The following VPS54 variants were observed in gnomAD, a reference collection of about 807,000 sequenced individuals.
The protein encoded by VPS54 is VPS54 subunit of GARP complex.
In VPS54, 45 loss-of-function variants were observed where a neutral mutation model predicts 121.5. The ratio of observed to expected loss-of-function variants is 0.37; its 90% CI spans 0.29 to 0.47. The LOEUF is 0.47. Ranked by LOEUF, VPS54 falls within the 20% of genes least tolerant of loss-of-function variation. The pLI is 0.99. For missense variants in VPS54, 1,090 were observed against 1,131.4 expected (o/e 0.96, Z 0.52); for synonymous variants, 371 against 385.8 (o/e 0.96, Z 0.45).
chr2:63,927,674 C>T (rs543982275), intron 12 of VPS54, among the ~76,000 whole-genome samples: 5 of 152,216 alleles, frequency 3.3e-5, no homozygotes, highest in African/African-American at 4.8e-5. Flanking sequence ...GACGAGCTGA[C>T]GGAAGTAGGC....
intron 1 of VPS54, among the ~76,000 whole-genome samples, chr2:63,993,641 G>A (rs534748657): frequency 2.1e-4 from 32 of 152,270 alleles, no homozygotes; most frequent in Admixed American, 9.8e-4. Context: ...AAATCGGCTC[G>A]AAGTTCAAGT....
In VPS54 at chr2:63,969,047, G is replaced by A. The variant is rs552623364; in HGVS notation, c.458-56C>T. The stretch of plus-strand genomic sequence containing the variant: ...TAAAACTTGTTTTCATTTTAACTCC[G>A]TAAAATACATTTTGACAGATTCAGT... On this transcript the variant is annotated intron_variant, in intron 4 of 22. Transcript: ENST00000272322. 116 of 1,391,324 alleles carry A rather than the reference G, an allele frequency of 8.3e-5. 1 individual carries two copies. Among genetic ancestry groups the A allele is most frequent in the Non-Finnish European group, 1.1e-4 (109 of 995,950 alleles). 86.2% of individuals were successfully genotyped at this position (1,391,324 alleles called of 1,614,324 possible). A position where few individuals can be genotyped will look rare whatever the true frequency, so the allele number is the denominator to read the frequency against.
chr2:63,992,855 T>A lies in VPS54; in HGVS notation c.-20-8836A>T, dbSNP rs186401218. Among the ~76,000 whole-genome samples, 23 of 152,300 alleles carry A rather than the reference T, an allele frequency of 1.5e-4. No individual in the cohort carries two copies. The East Asian group carries it at 1.9e-3, about 13-fold the overall frequency. On this transcript the variant is annotated intron_variant, in intron 1 of 22. Coordinates refer to ENST00000272322, the MANE Select transcript of VPS54 (RefSeq NM_016516.3). ...TTTACATAAATCAGATTGTGAAAAATTTGCTTTTATTGTACCATCTATCAA... is the reference window on the plus strand; with the variant it reads ...TTTACATAAATCAGATTGTGAAAAAATTGCTTTTATTGTACCATCTATCAA...
intron 1 of VPS54, among the ~76,000 whole-genome samples, chr2:64,010,070 G>A (rs1008207179): frequency 2.0e-5 from 3 of 151,950 alleles, no homozygotes; most frequent in Non-Finnish European, 4.4e-5. Flanking sequence ...TCAAACTCCC[G>A]ACCTCAGGTG....
intron 11 of VPS54, among the ~76,000 whole-genome samples, chr2:63,938,693 G>C (rs1264540866): frequency 2.0e-5 from 3 of 152,184 alleles, no homozygotes; most frequent in African/African-American, 7.2e-5. Context: ...TCAAATTCCT[G>C]ACCTCAGGTG....
At chr2:63,959,356 G>A (rs750180794) in intron 7 of VPS54, among the ~76,000 whole-genome samples, 13 of 152,118 alleles carry the variant, frequency 8.5e-5, no homozygotes, top group Non-Finnish European at 1.8e-4. Flanking sequence ...TTCTTTTAGA[G>A]TACTTTTGTT....
In VPS54 at chr2:63,933,860, T is replaced by G; in HGVS notation, c.1552A>C (p.Ile518Leu). 6.2e-7 allele frequency: 1 copy of G among 1,613,916 alleles called. No individual in the cohort carries two copies. Among genetic ancestry groups the G allele is most frequent in the Non-Finnish European group, 8.5e-7 (1 of 1,179,880 alleles). The change falls in exon 12 of 23, where the codon ATA (isoleucine) becomes CTA (leucine). Residue 518 changes from isoleucine (I) to leucine (L), a missense_variant. Physicochemically the swap from Ile to Leu is conservative, Grantham distance 5 (BLOSUM62 2). Transcript: ENST00000272322. ...VAYLIHEGMF[I>L]SDAFGEGELT... The stretch of plus-strand genomic sequence containing the variant: ...TCACCCTCACCGAATGCATCACTTA[T>G]AAACATGCCTTCATGGATTAAATAA...
chr2:63,970,204 TATATATATACAC>T (rs1367723087), intron 4 of VPS54, among the ~76,000 whole-genome samples: 2 of 68,044 alleles, frequency 2.9e-5, no homozygotes, highest in Non-Finnish European at 5.9e-5. Flanking sequence ...TAAAAAAAAA[TATATATATACAC>T]ACACACACAC....
chr2:63,972,345 C>G, intron 3 of VPS54, 101 bp from the exon 4 acceptor site: 1 of 767,444 alleles, frequency 1.3e-6, no homozygotes, highest in Non-Finnish European at 2.0e-6. Flanking sequence ...CCAAATTAGT[C>G]CTACGACTTT....
Position 63,914,299 on chromosome 2 carries a change from GA to G in VPS54, c.2229-13del. On this transcript the variant is annotated splice_polypyrimidine_tract_variant and intron_variant, in intron 16 of 22. Transcript: ENST00000272322. ...ACAGCAATACGGTTCTACAAGAAAAGAAAAATGGCCCAATAGGAAATCAAAA... is the reference window on the plus strand; with the variant it reads ...ACAGCAATACGGTTCTACAAGAAAAGAAAATGGCCCAATAGGAAATCAAAA... 1.9e-6 allele frequency: 3 copies of G among 1,555,776 alleles called. No homozygotes were observed. The highest frequency in any genetic ancestry group is 2.6e-6 in the Non-Finnish European group (3 of 1,139,458).
intron 20 of VPS54, among the ~76,000 whole-genome samples, chr2:63,905,262 A>G (rs1672855049): frequency 6.6e-6 from 1 of 152,102 alleles, no homozygotes; most frequent in Non-Finnish European, 1.5e-5. Flanking sequence ...CTTTTACTAA[A>G]AGATCAAAAC....
intron 1 of VPS54, among the ~76,000 whole-genome samples, chr2:64,013,998 C>G (rs898259709): frequency 6.6e-6 from 1 of 152,058 alleles, no homozygotes; most frequent in African/African-American, 2.4e-5. Context: ...CGAGACCAGT[C>G]TGACCAACAT....
chr2:63,994,877 T>C (rs1230701103), intron 1 of VPS54, among the ~76,000 whole-genome samples: 1 of 152,206 alleles, frequency 6.6e-6, no homozygotes, highest in Non-Finnish European at 1.5e-5. Flanking sequence ...CAAAGGGCTA[T>C]TTAAAAAACA....
intron 14 of VPS54, 23 bp from the exon 15 acceptor site, chr2:63,920,018 G>A: frequency 1.9e-6 from 3 of 1,579,812 alleles, no homozygotes; most frequent in Non-Finnish European, 1.7e-6. Context: ...AAGGAGAAAA[G>A]AAGGTAAACT....
intron 1 of VPS54, among the ~76,000 whole-genome samples, chr2:64,017,021 T>TAAA (rs777168254): frequency 2.4e-4 from 24 of 100,374 alleles, no homozygotes; most frequent in African/African-American, 7.1e-4. Flanking sequence ...TTTTGTTGAT[T>TAAA]AAAAAAAAAA....
chr2:63,938,654 G>A (rs907500196), intron 11 of VPS54, among the ~76,000 whole-genome samples: 1 of 152,082 alleles, frequency 6.6e-6, no homozygotes, highest in South Asian at 2.1e-4. Flanking sequence ...TAGTAGAGAT[G>A]GGGTTTCACC....
At chr2:63,997,575 TCTTC>T (rs1677658911) in intron 1 of VPS54, among the ~76,000 whole-genome samples, 1 of 150,952 alleles carries the variant, frequency 6.6e-6, no homozygotes, top group Non-Finnish European at 1.5e-5. Flanking sequence ...TCTTTTGGGG[TCTTC>T]TTTTTTCTTA....
chr2:63,903,250 T>G (rs1453940112), intron 20 of VPS54, among the ~76,000 whole-genome samples: 1 of 152,218 alleles, frequency 6.6e-6, no homozygotes, highest in Non-Finnish European at 1.5e-5. Flanking sequence ...AGCAGACTTC[T>G]TGTTGAAAAC....
At chr2:63,929,415 A>G (rs1299233453) in intron 12 of VPS54, among the ~76,000 whole-genome samples, 2 of 152,202 alleles carry the variant, frequency 1.3e-5, no homozygotes, top group Non-Finnish European at 2.9e-5. Context: ...CTGAATGACT[A>G]CTGGGTAAAT....
Sources: allele counts gnomAD v4.1 joint callset (sites outside exome capture counted in the v4.1 genomes callset), GRCh38; gene constraint gnomAD v4.1.1; transcripts MANE v1.5; gene names NCBI Gene and HGNC (gene_info 2026-07-23, HGNC 2026-07-21).